The following RORA variants were observed in gnomAD, a reference collection of about 807,000 sequenced individuals.
RORA encodes the protein nuclear receptor ROR-alpha.
Under a neutral mutation model 69.5 loss-of-function variants are expected in RORA, and 7 were observed. The observed-to-expected ratio is 0.10, with a 90% confidence interval of 0.06 to 0.19. The LOEUF (loss-of-function observed/expected upper bound fraction) is 0.19. Ranked by LOEUF, RORA falls within the 10% of genes least tolerant of loss-of-function variation. The probability of loss-of-function intolerance (pLI) is 1.00; values close to 1 mark genes in which losing one functional copy is unlikely to be tolerated. For missense variants in RORA, 457 were observed against 663.0 expected, an observed-to-expected ratio of 0.69 and a Z score of 3.41; for synonymous variants, 261 against 240.8, an observed-to-expected ratio of 1.08 and a Z score of -0.78.
Position 60,874,469 on chromosome 15 carries a change from A to G in RORA, c.167-195783T>C, listed in dbSNP as rs574840532. Among the ~76,000 whole-genome samples the G allele has an allele frequency of 2.6e-5, 4 of 152,296 alleles. No individual in the cohort carries two copies. The East Asian group carries it at 7.7e-4, about 29-fold the overall frequency. On this transcript the variant is annotated intron_variant, in intron 1 of 10. Coordinates refer to ENST00000335670, the MANE Select transcript of RORA (RefSeq NM_134261.3). ...TAAATACTTTTAGTTTTGTGCCAAG[A>G]CTGTCTTTTGTAAGACTCAACTCCA...
chr15:60,560,048 T>C (rs563149310), intron 2 of RORA, among the ~76,000 whole-genome samples: 1,555 of 152,068 alleles, frequency 0.01, 32 homozygotes, highest in African/African-American at 0.036. Flanking sequence ...TTTTGGATGA[T>C]TTCAACCAAT....
intron 1 of RORA, among the ~76,000 whole-genome samples, chr15:60,781,658 A>G (rs138535529): frequency 1.3e-5 from 2 of 151,456 alleles, no homozygotes; most frequent in Non-Finnish European, 2.9e-5. Flanking sequence ...TCACAGTTAT[A>G]TAACCCCTGG....
At chr15:60,829,155 G>A (rs1289202012) in intron 1 of RORA, among the ~76,000 whole-genome samples, 4 of 152,066 alleles carry the variant, frequency 2.6e-5, no homozygotes, top group East Asian at 3.9e-4. Context: ...CCTCACCTTC[G>A]CTTACCTGGA....
At chr15:60,645,638 C>G (rs1363261977) in intron 2 of RORA, among the ~76,000 whole-genome samples, 1 of 152,096 alleles carries the variant, frequency 6.6e-6, no homozygotes, top group Non-Finnish European at 1.5e-5. Flanking sequence ...AGTGATCCAC[C>G]CGCCTCAGCC....
chr15:61,182,392 G>A (rs772662814), intron 1 of RORA, among the ~76,000 whole-genome samples: 4 of 152,152 alleles, frequency 2.6e-5, no homozygotes, highest in Non-Finnish European at 5.9e-5. Flanking sequence ...AGAAATGTGC[G>A]TTTGGAAAAA....
At chr15:61,190,040 T>C (rs1351921894) in intron 1 of RORA, among the ~76,000 whole-genome samples, 1 of 152,030 alleles carries the variant, frequency 6.6e-6, no homozygotes, top group East Asian at 1.9e-4. Flanking sequence ...ATAAATGAGA[T>C]TTATATCTAT....
chr15:60,969,548 G>A (rs1566928591), intron 1 of RORA, among the ~76,000 whole-genome samples: 1 of 152,208 alleles, frequency 6.6e-6, no homozygotes, highest in Non-Finnish European at 1.5e-5. Context: ...GGAACTGCAA[G>A]GTTTTCAGTG....
rs71122900 is a variant in RORA, at chr15:61,059,935, CAAG to C, written c.166+169115_166+169117del. ...AGAAGAAGAAGAAGAAGAAGAAGAA[CAAG>C]AAGAAGAAGAAGAAGAAGAAGAAGA... On this transcript the variant is annotated intron_variant, in intron 1 of 10. Transcript: ENST00000335670. 6.2e-3 allele frequency among the ~76,000 whole-genome samples: 532 copies of C among 86,342 alleles called. 3 individuals carry two copies. The highest frequency in any genetic ancestry group is 0.019 in the East Asian group (59 of 3,168). 56.6% of individuals were successfully genotyped at this position (86,342 alleles called of 152,430 possible).
At chr15:61,159,876 T>C (rs185203542) in intron 1 of RORA, among the ~76,000 whole-genome samples, 15 of 152,350 alleles carry the variant, frequency 9.8e-5, no homozygotes, top group African/African-American at 3.6e-4. Context: ...GTATGTGTAC[T>C]GAGAATTTTC....
At chr15:60,894,345 CA>C (rs1215794754) in intron 1 of RORA, among the ~76,000 whole-genome samples, 1 of 152,178 alleles carries the variant, frequency 6.6e-6, no homozygotes, top group African/African-American at 2.4e-5. Flanking sequence ...GAAAAGTCAT[CA>C]ATCTCTCCCG....
chr15:60,939,555 A>G (rs1372203664), intron 1 of RORA, among the ~76,000 whole-genome samples: 4 of 152,192 alleles, frequency 2.6e-5, no homozygotes, highest in Non-Finnish European at 2.9e-5. Context: ...TGGAGCAATA[A>G]TATATTATGC....
At position 60,494,440 on chromosome 15, in the gene RORA, A is replaced by G. The variant is rs879266786; in HGVS notation, c.*3015T>C. ...AAAAGACTATTGGAGACTGAAGTTT[A>G]GGAAACTTTAATTATAAAAACTATT... On this transcript the variant is annotated 3_prime_UTR_variant, in exon 11 of 11. Transcript: ENST00000335670. 3.3e-5 allele frequency: 5 copies of G among 152,262 alleles called. No individual in the cohort carries two copies. The highest frequency in any genetic ancestry group is 4.8e-5 in the African/African-American group (2 of 41,474). The allele number at this position is 152,262 out of a possible 1,614,324, so 9.4% of individuals were successfully genotyped here. A position where few individuals can be genotyped will look rare whatever the true frequency, so the allele number is the denominator to read the frequency against.
At chr15:60,571,861 A>C (rs2067892556) in intron 2 of RORA, among the ~76,000 whole-genome samples, 1 of 152,246 alleles carries the variant, frequency 6.6e-6, no homozygotes, top group South Asian at 2.1e-4. Context: ...TTAGGCCAAC[A>C]CATAAATTGA....
chr15:61,068,432 A>G (rs914116401), intron 1 of RORA, among the ~76,000 whole-genome samples: 3 of 152,228 alleles, frequency 2.0e-5, no homozygotes, highest in African/African-American at 7.2e-5. Context: ...TATTACGGTC[A>G]TTAACAATTT....
At chr15:61,046,023 T>C (rs747997159) in intron 1 of RORA, among the ~76,000 whole-genome samples, 11 of 151,586 alleles carry the variant, frequency 7.3e-5, no homozygotes, top group Non-Finnish European at 1.0e-4. Context: ...GGAAGGTCGG[T>C]GGGGAGCAGA....
intron 1 of RORA, among the ~76,000 whole-genome samples, chr15:60,754,510 G>A (rs1029992259): frequency 5.9e-5 from 9 of 152,046 alleles, no homozygotes; most frequent in African/African-American, 1.9e-4. Flanking sequence ...AAATTATTAG[G>A]GCTGTTTTAG....
chr15:60,757,848 C>A (rs1427151078), intron 1 of RORA, among the ~76,000 whole-genome samples: 2 of 152,140 alleles, frequency 1.3e-5, no homozygotes, highest in African/African-American at 4.8e-5. Context: ...TCCCTCCTTC[C>A]TTTTCACACT....
intron 8 of RORA, 128 bp from the exon 9 acceptor site, chr15:60,501,197 G>T: frequency 1.6e-6 from 1 of 623,804 alleles, no homozygotes; most frequent in Non-Finnish European, 2.9e-6. Context: ...CATGGGGAAG[G>T]TGAAGAGAGA....
chr15:60,516,021 TTATATATTTA>T (rs1567051402), intron 3 of RORA, among the ~76,000 whole-genome samples: 5 of 11,806 alleles, frequency 4.2e-4, no homozygotes, highest in African/African-American at 1.1e-3. Context: ...TTATATATAT[TTATATATTTA>T]TATATATTTA....
Sources: allele counts gnomAD v4.1 joint callset (sites outside exome capture counted in the v4.1 genomes callset), GRCh38; gene constraint gnomAD v4.1.1; transcripts MANE v1.5; gene names NCBI Gene and HGNC (gene_info 2026-07-23, HGNC 2026-07-21).